The following ZNF395 variants were observed in gnomAD, a reference collection of about 807,000 sequenced individuals.
The protein encoded by ZNF395 is HD gene regulatory region-binding protein 2.
Under a neutral mutation model 57.7 loss-of-function variants are expected in ZNF395, and 20 were observed. The ratio of observed to expected loss-of-function variants is 0.35; its 90% confidence interval spans 0.24 to 0.50. The LOEUF (loss-of-function observed/expected upper bound fraction) is 0.50, where lower values mean the gene tolerates loss of function less well. Ranked by LOEUF, ZNF395 falls within the 20% of genes least tolerant of loss-of-function variation. ZNF395 has a pLI of 0.97. For synonymous variants in ZNF395, 295 were observed against 275.9 expected, an observed-to-expected ratio of 1.07 and a Z score of -0.69; for missense variants, 606 against 671.2, an observed-to-expected ratio of 0.90 and a Z score of 1.07.
intron 1 of ZNF395, among the ~76,000 whole-genome samples, chr8:28,362,225 C>T (rs901410050): frequency 1.3e-5 from 2 of 152,204 alleles, no homozygotes; most frequent in Admixed American, 6.5e-5. Context: ...ACAGGCCTCT[C>T]GAAGTGGGTC....
intron 1 of ZNF395, among the ~76,000 whole-genome samples, chr8:28,382,879 G>C (rs184783334): frequency 5.3e-4 from 80 of 152,312 alleles, no homozygotes; most frequent in African/African-American, 1.9e-3. Flanking sequence ...AAAAATAATA[G>C]ACTAGAAAAT....
intron 1 of ZNF395, among the ~76,000 whole-genome samples, chr8:28,372,302 G>C (rs1801986747): frequency 6.6e-6 from 1 of 152,154 alleles, no homozygotes; most frequent in African/African-American, 2.4e-5. Context: ...GTGAGAAAAT[G>C]CATGTTGGAT....
chr8:28,358,432 G>A (rs954716878), intron 3 of ZNF395, among the ~76,000 whole-genome samples: 9 of 151,746 alleles, frequency 5.9e-5, no homozygotes, highest in South Asian at 2.1e-4. Flanking sequence ...TTTTGGTTTG[G>A]TTTGGTTTGG....
At chr8:28,380,746 GA>G (rs1227733795) in intron 1 of ZNF395, among the ~76,000 whole-genome samples, 1 of 152,220 alleles carries the variant, frequency 6.6e-6, no homozygotes, top group Non-Finnish European at 1.5e-5. Context: ...ACAGGAAATA[GA>G]TTTAATTTGA....
rs569908424 is a variant in ZNF395 at position 28,357,841 on chromosome 8, CTGCT to C, written c.474-1066_474-1063del. 1.1e-4 allele frequency among the ~76,000 whole-genome samples: 16 copies of C among 152,280 alleles called. No homozygotes were observed. In the South Asian group the frequency reaches 2.9e-3, roughly 28 times the overall value. On this transcript the variant is annotated intron_variant, in intron 3 of 9. Coordinates refer to ENST00000344423, the MANE Select transcript of ZNF395 (RefSeq NM_018660.3). ...CACAGAGAGGTGGGATAGGGTGTGACTGCTTGCACATCTTGTATATAAGACAATT... is the reference window on the plus strand; with the variant it reads ...CACAGAGAGGTGGGATAGGGTGTGACTGCACATCTTGTATATAAGACAATT...
chr8:28,353,653 T>C (rs193234447), intron 4 of ZNF395, among the ~76,000 whole-genome samples: 77 of 152,328 alleles, frequency 5.1e-4, no homozygotes, highest in African/African-American at 1.9e-3. Flanking sequence ...AAATTTCTCT[T>C]TTTAAACAAA....
chr8:28,380,504 T>C (rs1802096443), intron 1 of ZNF395, among the ~76,000 whole-genome samples: 1 of 152,192 alleles, frequency 6.6e-6, no homozygotes, highest in Non-Finnish European at 1.5e-5. Context: ...AGGCCAAGAA[T>C]AGAACCCTAC....
chr8:28,381,220 T>C (rs1432056469), intron 1 of ZNF395, among the ~76,000 whole-genome samples: 1 of 152,110 alleles, frequency 6.6e-6, no homozygotes, highest in Non-Finnish European at 1.5e-5. Flanking sequence ...TTTTTGTATT[T>C]TTAGTAGAGA....
At chr8:28,369,578 C>T (rs1029826548) in intron 1 of ZNF395, among the ~76,000 whole-genome samples, 1 of 152,212 alleles carries the variant, frequency 6.6e-6, no homozygotes, top group Admixed American at 6.5e-5. Flanking sequence ...GCCCATTACC[C>T]ATGTGACTAG....
rs1801687643 is a variant in ZNF395, at chr8:28,351,748, T to C, written c.980A>G (p.Gln327Arg). 1.2e-6 allele frequency: 2 copies of C among 1,601,472 alleles called. No individual in the cohort carries two copies. Among genetic ancestry groups the C allele is most frequent in the African/African-American group, 1.3e-5 (1 of 74,932 alleles). ...REEDFYYTEV[Q>R]LKEESAAAAA... ...AGCAGCAGCAGATTCCTCCTTCAGC[T>C]GCACCTCTGTGTAGTAGAAATCCTC... The change falls in exon 7 of 10, where the codon CAG (glutamine) becomes CGG (arginine). Residue 327 changes from glutamine (Q) to arginine (R), a missense_variant. Around this residue, in one of 3 missense-constraint regions of ZNF395, gnomAD observed 261 missense variants for 240.3 expected, o/e 1.09. Coordinates refer to ENST00000344423, the MANE Select transcript of ZNF395 (RefSeq NM_018660.3).
intron 1 of ZNF395, among the ~76,000 whole-genome samples, chr8:28,381,707 G>A (rs940006644): frequency 2.6e-5 from 4 of 152,030 alleles, no homozygotes; most frequent in South Asian, 4.2e-4. Flanking sequence ...AGAATTGTAC[G>A]TCATATGGCA....
At chr8:28,373,561 G>C (rs147871970) in intron 1 of ZNF395, among the ~76,000 whole-genome samples, 1 of 152,162 alleles carries the variant, frequency 6.6e-6, no homozygotes, top group Non-Finnish European at 1.5e-5. Flanking sequence ...GTGCGGTGAC[G>C]GTCTCCAGGC....
intron 1 of ZNF395, chr8:28,386,133 G>A (rs1412382118): frequency 6.8e-6 from 1 of 146,314 alleles, no homozygotes. Flanking sequence ...CCCGCGGCCC[G>A]GCTCCGCTCC....
At chr8:28,355,955 T>G (rs547326494) in intron 4 of ZNF395, among the ~76,000 whole-genome samples, 1 of 147,932 alleles carries the variant, frequency 6.8e-6, no homozygotes, top group Non-Finnish European at 1.5e-5. Flanking sequence ...GCAATTCAGT[T>G]AGGTGTCCAC....
chr8:28,376,946 G>A (rs1233310967), intron 1 of ZNF395, among the ~76,000 whole-genome samples: 1 of 152,160 alleles, frequency 6.6e-6, no homozygotes, highest in Non-Finnish European at 1.5e-5. Context: ...ATGCCAAAAT[G>A]CAAGCATATA....
chr8:28,384,504 T>G (rs574170438), intron 1 of ZNF395, among the ~76,000 whole-genome samples: 5 of 152,306 alleles, frequency 3.3e-5, no homozygotes, highest in Admixed American at 3.3e-4. Context: ...TCTCTTGGCG[T>G]CTGATTTCAC....
intron 9 of ZNF395, 98 bp downstream of exon 9, chr8:28,349,027 A>C (rs770069553): frequency 1.4e-4 from 178 of 1,287,256 alleles, no homozygotes; most frequent in Middle Eastern, 2.1e-4. Context: ...CTCTCTGGGG[A>C]CTAACCCTGG....
chr8:28,376,067 C>A (rs546235560), intron 1 of ZNF395, among the ~76,000 whole-genome samples: 1 of 152,118 alleles, frequency 6.6e-6, no homozygotes, highest in Non-Finnish European at 1.5e-5. Flanking sequence ...TTAACCTCCC[C>A]GGGTTCAGGT....
Position 28,348,712 on chromosome 8 carries a change from G to A in ZNF395, c.*7C>T, listed in dbSNP as rs767056441. 1.2e-6 allele frequency: 2 copies of A among 1,613,224 alleles called. No individual in the cohort carries two copies. Among genetic ancestry groups the A allele is most frequent in the South Asian group, 2.2e-5 (2 of 91,074 alleles). On this transcript the variant is annotated 3_prime_UTR_variant, in exon 10 of 10. Coordinates refer to ENST00000344423, the MANE Select transcript of ZNF395 (RefSeq NM_018660.3). ...GGCCAGGAACAGAGTAGAACCTGCA[G>A]CACAGCTCAGTCCAGAAAGCGCTGG...
Sources: allele counts gnomAD v4.1 joint callset (sites outside exome capture counted in the v4.1 genomes callset), GRCh38; gene constraint gnomAD v4.1.1; regional missense constraint gnomAD v4.1.1; transcripts MANE v1.5; gene names NCBI Gene and HGNC (gene_info 2026-07-23, HGNC 2026-07-21).